XPR1: variants seen among roughly 807,000 people sequenced by gnomAD.
XPR1 encodes xenotropic and polytropic retrovirus receptor 1, also known as solute carrier family 53 member 1.
In XPR1, 28 loss-of-function variants were observed where a neutral mutation model predicts 87.5. The observed-to-expected ratio is 0.32, with a 90% CI of 0.24 to 0.44. XPR1 has a LOEUF of 0.44. Among genes scored for constraint, XPR1 ranks in the 20% least tolerant of loss-of-function variants. The pLI is 1.00. For synonymous variants in XPR1, 300 were observed against 306.1 expected (o/e 0.98, Z 0.21); for missense variants, 559 against 862.3 (o/e 0.65, Z 4.41).
intron 9 of XPR1, among the ~76,000 whole-genome samples, chr1:180,830,551 G>A (rs1651021577): frequency 6.6e-6 from 1 of 152,136 alleles, no homozygotes; most frequent in Admixed American, 6.5e-5. Context: ...TCTGAGAAGA[G>A]AGTTACAGAT....
chr1:180,819,243 C>A (rs1311916591), intron 7 of XPR1, among the ~76,000 whole-genome samples: 2 of 152,208 alleles, frequency 1.3e-5, no homozygotes, highest in Non-Finnish European at 2.9e-5. Context: ...AGCCACCATG[C>A]CTGGTCCCTG....
chr1:180,742,881 G>A (rs1001949565), intron 2 of XPR1, among the ~76,000 whole-genome samples: 1 of 151,990 alleles, frequency 6.6e-6, no homozygotes, highest in Non-Finnish European at 1.5e-5. Context: ...TTTATGAGAT[G>A]TGATATCTCT....
chr1:180,678,084 T>G (rs1470428837), intron 1 of XPR1, among the ~76,000 whole-genome samples: 6 of 152,186 alleles, frequency 3.9e-5, no homozygotes, highest in Non-Finnish European at 8.8e-5. Context: ...GGATGCAACT[T>G]AAAAACAGCC....
At chr1:180,703,963 GGTTTC>G (rs530450363) in intron 2 of XPR1, among the ~76,000 whole-genome samples, 7 of 151,722 alleles carry the variant, frequency 4.6e-5, no homozygotes, top group Non-Finnish European at 8.8e-5. Flanking sequence ...CTAATTTATA[GGTTTC>G]TGCTGCATCT....
chr1:180,745,026 A>T (rs1659042881), intron 2 of XPR1, among the ~76,000 whole-genome samples: 2 of 152,150 alleles, frequency 1.3e-5, no homozygotes, highest in Admixed American at 6.6e-5. Flanking sequence ...AGCCTTTGAT[A>T]TGCTATTCAT....
At chr1:180,859,384 C>T in intron 11 of XPR1, among the ~76,000 whole-genome samples, 2 of 152,170 alleles carry the variant, frequency 1.3e-5, no homozygotes, top group Middle Eastern at 6.8e-3. Context: ...CAGGCATATA[C>T]TGGATAGAAG....
intron 14 of XPR1, among the ~76,000 whole-genome samples, chr1:180,880,731 A>G (rs1228448482): frequency 1.3e-5 from 2 of 152,186 alleles, no homozygotes; most frequent in African/African-American, 4.8e-5. Flanking sequence ...AGGGAGGTTA[A>G]GTGGATTATA....
chr1:180,732,638 C>T (rs1486160318), intron 2 of XPR1, among the ~76,000 whole-genome samples: 5 of 152,192 alleles, frequency 3.3e-5, no homozygotes, highest in Non-Finnish European at 5.9e-5. Context: ...CAGATGGTCA[C>T]GTTGTGGGGC....
At chr1:180,825,500 A>G (rs1233654500) in intron 9 of XPR1, among the ~76,000 whole-genome samples, 156 bp downstream of exon 9, 2 of 152,232 alleles carry the variant, frequency 1.3e-5, no homozygotes, top group Non-Finnish European at 2.9e-5. Context: ...GTACTCACGT[A>G]TATTTTCCTC....
intron 6 of XPR1, among the ~76,000 whole-genome samples, chr1:180,809,675 C>T (rs1303101981): frequency 2.0e-5 from 3 of 151,692 alleles, no homozygotes; most frequent in African/African-American, 4.8e-5. Flanking sequence ...ATCTCTGGTG[C>T]GGAGGGAAGG....
intron 1 of XPR1, among the ~76,000 whole-genome samples, chr1:180,678,105 A>G (rs1656425760): frequency 6.6e-6 from 1 of 152,214 alleles, no homozygotes; most frequent in Non-Finnish European, 1.5e-5. Flanking sequence ...TAATGGAGAG[A>G]TGCATAGTGC....
intron 1 of XPR1, among the ~76,000 whole-genome samples, chr1:180,674,602 C>A (rs1656302628): frequency 6.6e-6 from 1 of 151,652 alleles, no homozygotes; most frequent in Non-Finnish European, 1.5e-5. Context: ...CTATGTTGTG[C>A]AGGCTGGACT....
intron 2 of XPR1, among the ~76,000 whole-genome samples, chr1:180,711,535 G>A (rs933705367): frequency 3.3e-5 from 5 of 152,136 alleles, no homozygotes; most frequent in Non-Finnish European, 7.4e-5. Flanking sequence ...AATGAGGCAG[G>A]GAGGTTGCAG....
intron 1 of XPR1, among the ~76,000 whole-genome samples, chr1:180,649,057 T>A (rs1329956130): frequency 6.6e-6 from 1 of 152,114 alleles, no homozygotes; most frequent in Non-Finnish European, 1.5e-5. Flanking sequence ...GGAGTATAAA[T>A]CCTTGTTTGT....
chr1:180,736,359 CTT>C (rs768682010), intron 2 of XPR1, among the ~76,000 whole-genome samples: 1 of 152,158 alleles, frequency 6.6e-6, no homozygotes, highest in Non-Finnish European at 1.5e-5. Flanking sequence ...CTAAAGGACT[CTT>C]TTAAGGGTTT....
rs571358761 is a variant in XPR1 at position 180,778,501 on chromosome 1, G to A, written c.122-9252G>A. ...CTTGATACTGTTGACATTTTGGACC[G>A]GATAAGTCTGTGTTTGGAGCAGGTA... On this transcript the variant is annotated intron_variant, in intron 2 of 14. Coordinates refer to ENST00000367590, the MANE Select transcript of XPR1 (RefSeq NM_004736.4). Among the ~76,000 whole-genome samples, 4 of 152,170 alleles carry A rather than the reference G, an allele frequency of 2.6e-5. No homozygotes were observed. The East Asian group carries it at 7.7e-4, about 29-fold the overall frequency.
chr1:180,863,173 A>G (rs1652274847), intron 11 of XPR1, among the ~76,000 whole-genome samples: 1 of 152,108 alleles, frequency 6.6e-6, no homozygotes, highest in African/African-American at 2.4e-5. Flanking sequence ...TAAGGGTAAA[A>G]TCCTTATCAC....
chr1:180,684,550 T>C (rs1267749571), intron 2 of XPR1, among the ~76,000 whole-genome samples: 1 of 152,184 alleles, frequency 6.6e-6, no homozygotes, highest in Non-Finnish European at 1.5e-5. Flanking sequence ...TTGATGGGGA[T>C]GGCATTGAAT....
rs751115742 is a variant in XPR1 at position 180,632,255 on chromosome 1, A to G, written c.54A>G (p.Gln18=). 50 of 1,612,294 alleles carry G rather than the reference A, an allele frequency of 3.1e-5. No individual in the cohort carries two copies. Among genetic ancestry groups the G allele is most frequent in the African/African-American group, 1.2e-4 (9 of 74,878 alleles). ...ACATCACTCCCGAGTGGAGGAAGCAATACATCCAGTATGAGGTACCGGCAC... is the reference window on the plus strand; with the variant it reads ...ACATCACTCCCGAGTGGAGGAAGCAGTACATCCAGTATGAGGTACCGGCAC... ...SAHITPEWRK[Q]YIQYEAFKDM... The change falls in exon 1 of 15, where the codon CAA becomes CAG. Residue 18 remains glutamine, a synonymous_variant. Coordinates refer to ENST00000367590, the MANE Select transcript of XPR1 (RefSeq NM_004736.4).
Sources: gnomAD v4.1 joint callset for allele counts (sites outside exome capture counted in the v4.1 genomes callset) on GRCh38, gnomAD v4.1.1 for gene constraint, MANE v1.5 for transcripts, NCBI Gene and HGNC (gene_info 2026-07-23, HGNC 2026-07-21) for gene names.